RALGDS: variants seen among roughly 807,000 people sequenced by gnomAD.
RALGDS encodes the protein ral guanine nucleotide dissociation stimulator.
Under a neutral mutation model 99.8 loss-of-function variants are expected in RALGDS, and 44 were observed. That is an observed-to-expected ratio of 0.44 (90% CI 0.35 to 0.57). The LOEUF (loss-of-function observed/expected upper bound fraction) is 0.57, where lower values mean the gene tolerates loss of function less well. Among genes scored for constraint, RALGDS ranks in the 20% least tolerant of loss-of-function variants. RALGDS has a pLI of 0.01. For missense variants in RALGDS, 1,022 were observed against 1,203.1 expected, an observed-to-expected ratio of 0.85 and a Z score of 2.23; for synonymous variants, 529 against 505.0, an observed-to-expected ratio of 1.05 and a Z score of -0.64.
At chr9:133,102,264 C>A in intron 14 of RALGDS, 125 bp from the exon 15 acceptor site, 1 of 1,175,998 alleles carries the variant, frequency 8.5e-7, no homozygotes, top group South Asian at 1.4e-5. Context: ...CCATTCACCA[C>A]AGCCATCTGG....
At chr9:133,142,740 CG>C (rs1832544668) in intron 1 of RALGDS, among the ~76,000 whole-genome samples, 1 of 152,180 alleles carries the variant, frequency 6.6e-6, no homozygotes, top group Non-Finnish European at 1.5e-5. Flanking sequence ...AGCAGGGAGA[CG>C]ATGAAAGGGG....
At chr9:133,113,128 C>T (rs191464986) in intron 1 of RALGDS, among the ~76,000 whole-genome samples, 3 of 152,164 alleles carry the variant, frequency 2.0e-5, no homozygotes, top group Admixed American at 1.3e-4. Flanking sequence ...GAGCTTGCAG[C>T]GGGTAGAGGA....
Position 133,105,956 on chromosome 9 carries a change from T to C in RALGDS, c.1578A>G (p.Ser526=), listed in dbSNP as rs1294995417. The C allele has an allele frequency of 6.3e-7, 1 of 1,598,394 alleles. No homozygotes were observed. Among genetic ancestry groups the C allele is most frequent in the Non-Finnish European group, 8.5e-7 (1 of 1,173,978 alleles). ...SEIFSDENNY[S]LSRELLIKEG... is the part of the protein sequence containing the mutation. ...CCTTGATGAGCAGCTCCCGGCTCAA[T>C]GAGTAGTTGTTCTCATCTGAGAAGA... The change falls in exon 9 of 18, where the codon TCA becomes TCG. Residue 526 remains serine (S), a synonymous_variant. Transcript: ENST00000372050.
upstream of RALGDS, among the ~76,000 whole-genome samples, chr9:133,123,208 C>A (rs1223747165): frequency 6.6e-6 from 1 of 152,156 alleles, no homozygotes; most frequent in Non-Finnish European, 1.5e-5. Flanking sequence ...CCATCCCTTT[C>A]TTCTGGGGCC....
chr9:133,128,027 G>T (rs1325691655), intron 1 of RALGDS, among the ~76,000 whole-genome samples: 1 of 152,182 alleles, frequency 6.6e-6, no homozygotes, highest in Non-Finnish European at 1.5e-5. Flanking sequence ...GCATATTGAG[G>T]GGGAGGCACG....
chr9:133,112,209 C>T (rs1357768052), intron 1 of RALGDS, 57 bp from the exon 2 acceptor site: 1 of 1,177,242 alleles, frequency 8.5e-7, no homozygotes, highest in Non-Finnish European at 1.2e-6. Flanking sequence ...TGCCTGGCCA[C>T]CGTGCAGGGG....
intron 1 of RALGDS, among the ~76,000 whole-genome samples, chr9:133,142,030 G>A (rs1832531794): frequency 6.6e-6 from 1 of 152,236 alleles, no homozygotes; most frequent in African/African-American, 2.4e-5. Context: ...AGCCATCGCT[G>A]TGCTTTCTGA....
At position 133,109,699 on chromosome 9, in the gene RALGDS, T is replaced by C; in HGVS notation, c.511A>G (p.Thr171Ala). ...ATGCAGCCGTATCTAGAGGAGGCCGTGAGGGCGTCACATCTACCGTACCTG... is the reference window on the plus strand; with the variant it reads ...ATGCAGCCGTATCTAGAGGAGGCCGCGAGGGCGTCACATCTACCGTACCTG... ...FKRYGRCDAL[T>A]ASSRYGCILP... The change falls in exon 4 of 18, where the codon ACG becomes GCG. Residue 171 changes from threonine (T) to alanine (A), a missense_variant. Around this residue, in one of 3 missense-constraint regions of RALGDS, gnomAD observed 825 missense variants for 994.5 expected, o/e 0.83. Transcript: ENST00000372050. 6.2e-7 allele frequency: 1 copy of C among 1,613,820 alleles called. No homozygotes were observed. Among genetic ancestry groups the C allele is most frequent in the Non-Finnish European group, 8.5e-7 (1 of 1,179,930 alleles).
rs1321726115 is a variant in RALGDS, at chr9:133,121,003, G to A, written c.152C>T (p.Thr51Met). 7 of 1,496,866 alleles carry A rather than the reference G, an allele frequency of 4.7e-6. No individual in the cohort carries two copies. Among genetic ancestry groups the A allele is most frequent in the Non-Finnish European group, 5.3e-6 (6 of 1,130,122 alleles). The allele number at this position is 1,496,866 out of a possible 1,614,324, so 92.7% of individuals were successfully genotyped here. A position where few individuals can be genotyped will look rare whatever the true frequency, so the allele number is the denominator to read the frequency against. Residue 51 changes from threonine (T) to methionine (M), a missense_variant, in exon 1 of 18, where the codon ACG becomes ATG. Transcript: ENST00000372050. ...DSCPVVLHSFTQLDPDLPRPE... is the reference protein window; with the variant it reads ...DSCPVVLHSFMQLDPDLPRPE... ...GCGCGGCAGGTCGGGGTCTAGCTGC[G>A]TGAAGCTGTGCAGCACCACCGGGCA...
At chr9:133,103,874 T>C (rs1282837665) in intron 10 of RALGDS, 41 bp from the exon 11 acceptor site, 1 of 1,578,230 alleles carries the variant, frequency 6.3e-7, no homozygotes, top group Non-Finnish European at 8.7e-7. Context: ...GCCCCTCCCC[T>C]GAAGGCTTTC....
chr9:133,099,636 A>G (rs542976979), intron 17 of RALGDS: 2 of 6,684 alleles, frequency 3.0e-4, no homozygotes, highest in African/African-American at 5.7e-4. Context: ...GCATATATAT[A>G]CACATATATA....
upstream of RALGDS, among the ~76,000 whole-genome samples, chr9:133,136,082 G>A (rs569296242): frequency 3.3e-5 from 5 of 152,184 alleles, no homozygotes; most frequent in Admixed American, 6.5e-5. Flanking sequence ...CAGACCACGC[G>A]AATTTACTGA....
At chr9:133,116,966 C>T (rs576455982) in intron 1 of RALGDS, among the ~76,000 whole-genome samples, 69 of 152,326 alleles carry the variant, frequency 4.5e-4, no homozygotes, top group Middle Eastern at 3.4e-3. Context: ...ACAGCAAATT[C>T]GCAGGGGAGG....
At position 133,098,692 on chromosome 9, in the gene RALGDS, G is replaced by C. The variant is rs1062356; in HGVS notation, c.2640C>G (p.Leu880=). The C allele has an allele frequency of 0.85, 1,369,680 of 1,613,906 alleles. 582,166 individuals are homozygous for C. The highest frequency in any genetic ancestry group is 0.88 in the Admixed American group (52,814 of 60,026). Residue 880 remains leucine (L), a synonymous_variant, in exon 18 of 18, where the codon CTC becomes CTG. Coordinates refer to ENST00000372050, the MANE Select transcript of RALGDS (RefSeq NM_006266.4). The stretch of plus-strand genomic sequence containing the variant: ...CTCCCTTGGTGAAGGTCCGCTTCTT[G>C]AGGACAAAGTCATAGTTGGCGGTAG... ...MNSTANYDFV[L]KKRTFTKGVK...
chr9:133,112,250 GGCACAGACTGGCGGCT>G (rs1462202289), intron 1 of RALGDS, 98 bp from the exon 2 acceptor site: 1 of 784,360 alleles, frequency 1.3e-6, no homozygotes, highest in Middle Eastern at 3.4e-4. Flanking sequence ...TCCCAGATAG[GGCACAGACTGGCGGCT>G]GCACAGACCT....
chr9:133,114,647 G>A (rs1011062031), intron 1 of RALGDS, among the ~76,000 whole-genome samples: 3 of 152,222 alleles, frequency 2.0e-5, no homozygotes, highest in African/African-American at 4.8e-5. Flanking sequence ...GAGCAGGAAC[G>A]GCCTAGTGAA....
At chr9:133,116,939 G>A (rs2119196628) in intron 1 of RALGDS, among the ~76,000 whole-genome samples, 1 of 152,370 alleles carries the variant, frequency 6.6e-6, no homozygotes, top group South Asian at 2.1e-4. Flanking sequence ...GAGACAGGAA[G>A]GATTTCCTCA....
chr9:133,112,030 G>T lies in RALGDS; in HGVS notation c.294+12C>A. The stretch of plus-strand genomic sequence containing the variant: ...AGCTGCGTCTCCCAGTGGAGACCCC[G>T]AGCGCACTCACCCCGAGCCAGCGCT... On this transcript the variant is annotated intron_variant, in intron 2 of 17. Transcript: ENST00000372050. The T allele has an allele frequency of 1.3e-6, 2 of 1,556,772 alleles. No homozygotes were observed. The highest frequency in any genetic ancestry group is 1.7e-6 in the Non-Finnish European group (2 of 1,147,810).
At chr9:133,134,325 A>C (rs547804974), upstream of RALGDS, among the ~76,000 whole-genome samples, 9 of 152,324 alleles carry the variant, frequency 5.9e-5, no homozygotes, top group East Asian at 1.7e-3. Context: ...CACGTTCAGA[A>C]GCCTGGCAGG....
Sources: allele counts gnomAD v4.1 joint callset (sites outside exome capture counted in the v4.1 genomes callset), GRCh38; gene constraint gnomAD v4.1.1; regional missense constraint gnomAD v4.1.1; transcripts MANE v1.5; gene names NCBI Gene and HGNC (gene_info 2026-07-23, HGNC 2026-07-21).